MLXIPL: variants seen among roughly 807,000 people sequenced by gnomAD.
MLXIPL encodes the protein MLX interacting protein like.
MLXIPL carries 49 observed loss-of-function variants against 81.5 expected under a neutral mutation model. That is an observed-to-expected ratio of 0.60 (90% confidence interval 0.48 to 0.76). The LOEUF (loss-of-function observed/expected upper bound fraction) is 0.76. Ranked by LOEUF, MLXIPL falls within the 30% of genes least tolerant of loss-of-function variation. The pLI is 0.00. For synonymous variants in MLXIPL, 466 were observed against 485.5 expected (o/e 0.96, Z 0.53); for missense variants, 1,053 against 1,167.0 (o/e 0.90, Z 1.42).
intron 3 of MLXIPL, 42 bp downstream of exon 3, chr7:73,607,548 G>A (rs782212720): frequency 6.3e-7 from 1 of 1,593,110 alleles, no homozygotes; most frequent in Non-Finnish European, 8.6e-7. Flanking sequence ...CTTGGTGGGT[G>A]GGCAGGTGGG....
At chr7:73,595,995 G>A (rs1554593601) in intron 13 of MLXIPL, 26 bp from the exon 14 acceptor site, 4 of 1,611,446 alleles carry the variant, frequency 2.5e-6, no homozygotes, top group East Asian at 2.2e-5. Flanking sequence ...GGGGGGCTCA[G>A]GCAGGTGCTA....
chr7:73,594,059 G>T (rs1457432958), intron 16 of MLXIPL, 76 bp from the exon 17 acceptor site: 1 of 1,427,886 alleles, frequency 7.0e-7, no homozygotes, highest in Non-Finnish European at 9.9e-7. Context: ...GAACCAAAGG[G>T]ATAGGGGGAG....
At chr7:73,594,612 G>A (rs549211791) in intron 15 of MLXIPL, among the ~76,000 whole-genome samples, 20 of 151,840 alleles carry the variant, frequency 1.3e-4, no homozygotes, top group Admixed American at 4.6e-4. Context: ...GCAGTGGCAC[G>A]ATCTCAGCTC....
chr7:73,624,465 C>G lies in MLXIPL; in HGVS notation c.28G>C (p.Ala10Pro). The change falls in exon 1 of 17, where the codon GCG (alanine) becomes CCG (proline). Residue 10 changes from alanine (A) to proline (P), a missense_variant. Coordinates refer to ENST00000313375, the MANE Select transcript of MLXIPL (RefSeq NM_032951.3). ...GCGACCCGCGGGACCTGCAAGCCCGCGGCCAGACCTGCCAGCGCGCCGGCC... is the reference window on the plus strand; with the variant it reads ...GCGACCCGCGGGACCTGCAAGCCCGGGGCCAGACCTGCCAGCGCGCCGGCC... MAGALAGLAAGLQVPRVAPS... is the reference protein window; with the variant it reads MAGALAGLAPGLQVPRVAPS... 1 of 1,543,064 alleles carries G rather than the reference C, an allele frequency of 6.5e-7. No homozygotes were observed. Among genetic ancestry groups the G allele is most frequent in the Non-Finnish European group, 8.7e-7 (1 of 1,152,414 alleles).
rs1796575396 is a variant in MLXIPL, at chr7:73,624,261, C to A, written c.232G>T (p.Gly78Trp). Residue 78 changes from glycine (G) to tryptophan (W), a missense_variant, in exon 1 of 17, where the codon GGG becomes TGG. Coordinates refer to ENST00000313375, the MANE Select transcript of MLXIPL (RefSeq NM_032951.3). ...AGTGTGGGGTCGATACTGCGCGGCC[C>A]GAAGTCGGAGGGCCCCACGGACCCC... Reference protein sequence around the residue: ...QEGSVGPSDFGPRSIDPTLTR... With the variant: ...QEGSVGPSDFWPRSIDPTLTR... 1.3e-6 allele frequency: 2 copies of A among 1,594,564 alleles called. No individual in the cohort carries two copies. The highest frequency in any genetic ancestry group is 1.8e-4 in the Middle Eastern group (1 of 5,714).
chr7:73,641,035 C>T, the MLXIPL span, among the ~76,000 whole-genome samples: 1 of 151,964 alleles, frequency 6.6e-6, no homozygotes, highest in African/African-American at 2.4e-5. Context: ...GGCACAGTTA[C>T]TCATGTCTGT....
chr7:73,606,186 G>A, intron 5 of MLXIPL, 75 bp from the exon 6 acceptor site: 1 of 1,445,632 alleles, frequency 6.9e-7, no homozygotes, highest in Non-Finnish European at 9.5e-7. Flanking sequence ...CCTCTCCAGG[G>A]TCAAGTGGTC....
At chr7:73,610,331 T>C (rs1336596511) in intron 2 of MLXIPL, 2 of 152,252 alleles carry the variant, frequency 1.3e-5, no homozygotes, top group Admixed American at 6.6e-5. Flanking sequence ...AGGACAATTC[T>C]TTCTAAAGTG....
chr7:73,624,127 G>A, intron 1 of MLXIPL, 73 bp downstream of exon 1: 2 of 1,469,316 alleles, frequency 1.4e-6, no homozygotes, highest in African/African-American at 1.4e-5. Context: ...GCCCCAGCGC[G>A]CAGTCCTGCC....
chr7:73,604,687 T>G (rs1226798302), intron 7 of MLXIPL, among the ~76,000 whole-genome samples: 1 of 152,182 alleles, frequency 6.6e-6, no homozygotes, highest in Non-Finnish European at 1.5e-5. Context: ...TGATGGTGAC[T>G]TGGGAGGTTT....
chr7:73,624,782 C>T (rs1206374078), upstream of MLXIPL, among the ~76,000 whole-genome samples: 5 of 152,116 alleles, frequency 3.3e-5, no homozygotes, highest in African/African-American at 1.2e-4. Flanking sequence ...TCAGGCCGGA[C>T]GCCAGGGGCT....
Position 73,624,220 on chromosome 7 carries a change from C to T in MLXIPL, c.273G>A (p.Glu91=). Residue 91 remains glutamate, a synonymous_variant, in exon 1 of 17, where the codon GAG becomes GAA. Coordinates refer to ENST00000313375, the MANE Select transcript of MLXIPL (RefSeq NM_032951.3). The part of the protein sequence containing the change: ...SIDPTLTRLF[E]CLSLAYSGKL... ...CTCACCTGTAGGCCAGGCTCAAGCA[C>T]TCGAAGAGGCGTGTGAGTGTGGGGT... 1 of 1,596,390 alleles carries T rather than the reference C, an allele frequency of 6.3e-7. No homozygotes were observed. The highest frequency in any genetic ancestry group is 1.1e-5 in the South Asian group (1 of 88,672).
intron 2 of MLXIPL, 84 bp from the exon 3 acceptor site, chr7:73,607,756 T>TGCG (rs1355096044): frequency 5.9e-6 from 7 of 1,185,748 alleles, no homozygotes; most frequent in African/African-American, 1.5e-5. Flanking sequence ...AGTGACACCC[T>TGCG]GCGAAATCCT....
chr7:73,642,511 C>T, the MLXIPL span, among the ~76,000 whole-genome samples: 2,494 of 152,210 alleles, frequency 0.016, 74 homozygotes, highest in African/African-American at 0.056. Context: ...ACCACCACCC[C>T]TGGCTAATTT....
chr7:73,645,712 T>A, the MLXIPL span, among the ~76,000 whole-genome samples: 2 of 152,056 alleles, frequency 1.3e-5, no homozygotes, highest in Non-Finnish European at 2.9e-5. Flanking sequence ...GTGTGCAGAG[T>A]GAAGCCCGGA....
At chr7:73,645,493 G>A in the MLXIPL span, among the ~76,000 whole-genome samples, 3 of 150,210 alleles carry the variant, frequency 2.0e-5, no homozygotes, top group Admixed American at 6.6e-5. Flanking sequence ...GAGTGAGAAA[G>A]ATGGGTGGGG....
intron 2 of MLXIPL, among the ~76,000 whole-genome samples, chr7:73,613,045 A>T (rs782177210): frequency 6.6e-6 from 1 of 152,142 alleles, no homozygotes; most frequent in Non-Finnish European, 1.5e-5. Flanking sequence ...TGACTGTTGG[A>T]TCAGGAAAGG....
Position 73,593,768 on chromosome 7 carries a change from G to T in MLXIPL, c.*97C>A. On this transcript the variant is annotated 3_prime_UTR_variant, in exon 17 of 17. Transcript: ENST00000313375. ...CCAGGGAAGGGCAGAGCCAGGGCCTGGGGCAGGAAGGGAGTGCCCAGAGAT... is the reference window on the plus strand; with the variant it reads ...CCAGGGAAGGGCAGAGCCAGGGCCTTGGGCAGGAAGGGAGTGCCCAGAGAT... 1 of 1,102,192 alleles carries T rather than the reference G, an allele frequency of 9.1e-7. No homozygotes were observed. The highest frequency in any genetic ancestry group is 1.4e-6 in the Non-Finnish European group (1 of 717,644). 68.3% of individuals were successfully genotyped at this position (1,102,192 alleles called of 1,614,324 possible).
chr7:73,605,719 C>A lies in MLXIPL; in HGVS notation c.870G>T (p.Gln290His), dbSNP rs1341024017. Residue 290 changes from glutamine to histidine, a missense_variant, in exon 7 of 17, where the codon CAG becomes CAT. This residue lies in a region of MLXIPL where 823 missense variants were observed against 933.0 expected (regional missense o/e 0.88). Coordinates refer to ENST00000313375, the MANE Select transcript of MLXIPL (RefSeq NM_032951.3). ...DMIQPDLTPL[Q>H]PSLDDFMDIS... ...TGTCCATGAAGTCATCCAGGCTTGG[C>A]TGCAGTGGCGTCAGGTCCGGCTGGA... The A allele has an allele frequency of 6.2e-7, 1 of 1,613,712 alleles. No individual in the cohort carries two copies. The highest frequency in any genetic ancestry group is 8.5e-7 in the Non-Finnish European group (1 of 1,179,926).
Sources: allele counts gnomAD v4.1 joint callset (sites outside exome capture counted in the v4.1 genomes callset), GRCh38; gene constraint gnomAD v4.1.1; regional missense constraint gnomAD v4.1.1; transcripts MANE v1.5; gene names NCBI Gene and HGNC (gene_info 2026-07-23, HGNC 2026-07-21).